SH3GL1: variants seen among roughly 807,000 people sequenced by gnomAD.
SH3GL1 encodes the protein endophilin-A2.
Under a neutral mutation model 48.8 loss-of-function variants are expected in SH3GL1, and 21 were observed. That is an observed-to-expected ratio of 0.43 (90% CI 0.30 to 0.62). SH3GL1 has a LOEUF of 0.62. Ranked by LOEUF, SH3GL1 falls within the 20% of genes least tolerant of loss-of-function variation. The probability of loss-of-function intolerance (pLI) is 0.11; values close to 1 mark genes in which losing one functional copy is unlikely to be tolerated. For synonymous variants in SH3GL1, 282 were observed against 217.5 expected (o/e 1.30, Z -2.61); for missense variants, 454 against 503.0 (o/e 0.90, Z 0.93).
At chr19:4,375,799 G>T (rs1371070928) in intron 1 of SH3GL1, among the ~76,000 whole-genome samples, 1 of 152,212 alleles carries the variant, frequency 6.6e-6, no homozygotes. Context: ...ACAAACAAAT[G>T]AGGCGATAAA....
intron 3 of SH3GL1, among the ~76,000 whole-genome samples, chr19:4,365,903 T>TG (rs974377014): frequency 1.3e-5 from 2 of 152,096 alleles, no homozygotes; most frequent in Non-Finnish European, 1.5e-5. Context: ...ACCCCTCATC[T>TG]GGGGGGTGCC....
chr19:4,363,331 G>A (rs1197887392), intron 7 of SH3GL1, 39 bp downstream of exon 7: 1 of 1,484,312 alleles, frequency 6.7e-7, no homozygotes. Flanking sequence ...AGGGCGCATG[G>A]CAGCCCAGAC....
At position 4,367,141 on chromosome 19, in the gene SH3GL1, G is replaced by A. The variant is rs577316079; in HGVS notation, c.46-147C>T. On this transcript the variant is annotated intron_variant, in intron 1 of 9. Transcript: ENST00000269886. This position sits in a 1 kb window ranked among gnomAD's most constrained non-coding sequence, Gnocchi z 4.2. The stretch of plus-strand genomic sequence containing the variant: ...CAGGACACACACCTCAGGCACTGCC[G>A]TGGGCACCCCAGGGCCACACGCTGC... The A allele has an allele frequency of 2.1e-4, 157 of 759,850 alleles. No individual in the cohort carries two copies. The highest frequency in any genetic ancestry group is 1.7e-3 in the East Asian group (66 of 39,524). 47.1% of individuals were successfully genotyped at this position (759,850 alleles called of 1,614,324 possible). A position where few individuals can be genotyped will look rare whatever the true frequency, so the allele number is the denominator to read the frequency against.
chr19:4,392,633 C>A (rs145394381), intron 1 of SH3GL1, among the ~76,000 whole-genome samples: 152 of 151,834 alleles, frequency 1.0e-3, no homozygotes, highest in African/African-American at 3.6e-3. Flanking sequence ...CCAAGAGTGG[C>A]CCCACAAAGT....
intron 1 of SH3GL1, among the ~76,000 whole-genome samples, chr19:4,395,045 C>T (rs1452159293): frequency 6.6e-6 from 1 of 152,282 alleles, no homozygotes; most frequent in Non-Finnish European, 1.5e-5. Context: ...GCCCCGATGC[C>T]TGTGGCTCTC....
At chr19:4,384,310 T>C (rs1352976202) in intron 1 of SH3GL1, among the ~76,000 whole-genome samples, 1 of 152,186 alleles carries the variant, frequency 6.6e-6, no homozygotes. Flanking sequence ...CCCCGCCCAC[T>C]TGGCTTCCTG....
intron 1 of SH3GL1, among the ~76,000 whole-genome samples, chr19:4,387,484 G>A (rs1191276572): frequency 6.6e-6 from 1 of 151,972 alleles, no homozygotes; most frequent in Non-Finnish European, 1.5e-5. Context: ...TTGTACAGAC[G>A]GGGTTTCATT....
chr19:4,371,863 G>A (rs146161867), intron 1 of SH3GL1, among the ~76,000 whole-genome samples: 3 of 152,372 alleles, frequency 2.0e-5, no homozygotes, highest in East Asian at 3.9e-4. Flanking sequence ...CCTCCTCAGC[G>A]GAATCTGTGA....
chr19:4,391,336 C>T (rs562117986), intron 1 of SH3GL1, among the ~76,000 whole-genome samples: 2 of 152,268 alleles, frequency 1.3e-5, no homozygotes, highest in East Asian at 1.9e-4. Context: ...ATCTCGCACT[C>T]ACAGGCTGTT....
At position 4,363,765 on chromosome 19, in the gene SH3GL1, G is replaced by A. The variant is rs768088419; in HGVS notation, c.579C>T (p.Ser193=). The A allele has an allele frequency of 6.2e-7, 1 of 1,613,856 alleles. No homozygotes were observed. Among genetic ancestry groups the A allele is most frequent in the Non-Finnish European group, 8.5e-7 (1 of 1,180,030 alleles). ...LRQALEKFEE[S]KEVAETSMHN... ...GCATGCTGGTTTCTGCCACCTCCTT[G>A]GACTCCTCGAACTTCTCCAGCGCCT... The change falls in exon 6 of 10, where the codon TCC becomes TCT. Residue 193 remains serine (S), a synonymous_variant. Coordinates refer to ENST00000269886, the MANE Select transcript of SH3GL1 (RefSeq NM_003025.4).
intron 9 of SH3GL1, 87 bp from the exon 10 acceptor site, chr19:4,361,883 G>A (rs540060168): frequency 3.5e-5 from 34 of 980,270 alleles, no homozygotes; most frequent in Admixed American, 7.7e-5. Context: ...GACCTGGAGC[G>A]TGTGGGTGGG....
intron 1 of SH3GL1, among the ~76,000 whole-genome samples, chr19:4,371,952 A>G (rs919976009): frequency 3.3e-5 from 5 of 152,212 alleles, no homozygotes; most frequent in Non-Finnish European, 7.4e-5. Flanking sequence ...GGTCAACCGC[A>G]GCGAATACCT....
rs942693028 is a variant in SH3GL1, at chr19:4,394,021, G to C, written c.45+6303C>G. Among the ~76,000 whole-genome samples, 4 of 150,040 alleles carry C rather than the reference G, an allele frequency of 2.7e-5. No individual in the cohort carries two copies. The Admixed American group carries it at 2.7e-4, about 10-fold the overall frequency. On this transcript the variant is annotated intron_variant, in intron 1 of 9. Coordinates refer to ENST00000269886, the MANE Select transcript of SH3GL1 (RefSeq NM_003025.4). ...CAAACCCAGGGCCTAAGGAGCATCA[G>C]GCAGATTTCAAAGCTATGGGAGGTG... is the stretch of plus-strand genomic sequence containing the variant.
At chr19:4,366,862 T>C (rs1338412952) in intron 2 of SH3GL1, 64 bp downstream of exon 2, 1 of 1,532,782 alleles carries the variant, frequency 6.5e-7, no homozygotes, top group African/African-American at 1.4e-5. Context: ...GCCTCCACTA[T>C]GCCCGGCAGA....
At chr19:4,380,850 C>A (rs1973106504) in intron 1 of SH3GL1, among the ~76,000 whole-genome samples, 1 of 152,130 alleles carries the variant, frequency 6.6e-6, no homozygotes, top group African/African-American at 2.4e-5. Context: ...GGCCAGGGAA[C>A]AACTTCTGCG....
rs1049994043 is a variant in SH3GL1, at chr19:4,363,732, G to A, written c.612C>T (p.Leu204=). Residue 204 remains leucine, a synonymous_variant, in exon 6 of 10, where the codon CTC becomes CTT. Transcript: ENST00000269886. ...KEVAETSMHN[L]LETDIEQVSQ... ...CCGAGCTACTCACGTCAGTCTCCAG[G>A]AGGTTGTGCATGCTGGTTTCTGCCA... 2 of 1,613,426 alleles carry A rather than the reference G, an allele frequency of 1.2e-6. No homozygotes were observed. Among genetic ancestry groups the A allele is most frequent in the Admixed American group, 1.7e-5 (1 of 60,010 alleles).
chr19:4,379,751 G>C lies in SH3GL1; in HGVS notation c.46-12757C>G, dbSNP rs148162071. ...TCTGTGCATGGGCGAGCCTGTGGCCGTGACTGTGACCCCTCACTGCCAGGA... is the reference window on the plus strand; with the variant it reads ...TCTGTGCATGGGCGAGCCTGTGGCCCTGACTGTGACCCCTCACTGCCAGGA... On this transcript the variant is annotated intron_variant, in intron 1 of 9. Coordinates refer to ENST00000269886, the MANE Select transcript of SH3GL1 (RefSeq NM_003025.4). 4.2e-4 allele frequency among the ~76,000 whole-genome samples: 64 copies of C among 152,140 alleles called. 1 individual carries two copies. The highest frequency in any genetic ancestry group is 1.5e-3 in the African/African-American group (63 of 41,514).
chr19:4,364,252 A>C, intron 4 of SH3GL1, 31 bp from the exon 5 acceptor site: 1 of 1,613,524 alleles, frequency 6.2e-7, no homozygotes, highest in African/African-American at 1.3e-5. Context: ...AAGCCATCAT[A>C]CCGGGCCTGG....
At chr19:4,362,415 GGCTC>G (rs1414676709) in intron 8 of SH3GL1, 30 bp from the exon 9 acceptor site, 9 of 1,601,116 alleles carry the variant, frequency 5.6e-6, no homozygotes, top group Non-Finnish European at 7.7e-6. Context: ...GGAGGCTGTG[GGCTC>G]AAAACGGTCG....
Sources: allele counts gnomAD v4.1 joint callset (sites outside exome capture counted in the v4.1 genomes callset), GRCh38; gene constraint gnomAD v4.1.1; non-coding constraint Gnocchi (gnomAD v3.1); transcripts MANE v1.5; gene names NCBI Gene and HGNC (gene_info 2026-07-23, HGNC 2026-07-21).